The following PGAM5 variants were observed in gnomAD, a reference collection of about 807,000 sequenced individuals.
The protein encoded by PGAM5 is PGAM family member 5, mitochondrial serine/threonine protein phosphatase.
A neutral mutation model predicts 30.6 loss-of-function variants in PGAM5; 25 were observed. That is an observed-to-expected ratio of 0.82 (90% CI 0.60 to 1.14). PGAM5 has a LOEUF of 1.14. PGAM5 is among the 50% of genes most tolerant of loss of function. The pLI is 0.00. For synonymous variants in PGAM5, 201 were observed against 179.1 expected (o/e 1.12, Z -0.98); for missense variants, 384 against 408.5 (o/e 0.94, Z 0.52).
intron 5 of PGAM5, among the ~76,000 whole-genome samples, chr12:132,718,342 CAG>C (rs1379600794): frequency 7.1e-6 from 1 of 141,246 alleles, no homozygotes; most frequent in Non-Finnish European, 1.5e-5. Context: ...GTGGTGCAGA[CAG>C]GGAGGGACCC....
At chr12:132,719,836 C>G (rs954827833) in intron 5 of PGAM5, among the ~76,000 whole-genome samples, 2 of 152,220 alleles carry the variant, frequency 1.3e-5, no homozygotes, top group Non-Finnish European at 2.9e-5. Flanking sequence ...GAAGGCAACT[C>G]CGAGCTTTTC....
intron 1 of PGAM5, 103 bp from the exon 2 acceptor site, chr12:132,714,755 T>G: frequency 7.4e-7 from 1 of 1,359,706 alleles, no homozygotes; most frequent in Non-Finnish European, 1.0e-6. Flanking sequence ...CTTCTCTCCA[T>G]GCTCTTCCCA....
Position 132,719,602 on chromosome 12 carries a change from G to A in PGAM5, c.720-1076G>A, listed in dbSNP as rs544863833. 5.3e-5 allele frequency among the ~76,000 whole-genome samples: 8 copies of A among 152,200 alleles called. No individual in the cohort carries two copies. The South Asian group carries it at 6.2e-4, about 12-fold the overall frequency. ...TGTGTGTCCATGACACAGTCACCCC[G>A]AGGTGACACAAATGCTAAAAATGCA... is the stretch of plus-strand genomic sequence containing the variant. On this transcript the variant is annotated intron_variant, in intron 5 of 5. Transcript: ENST00000498926.
At position 132,718,040 on chromosome 12, in the gene PGAM5, C is replaced by A; in HGVS notation, c.639C>A (p.His213Gln). Residue 213 changes from histidine (H) to glutamine (Q), a missense_variant, in exon 5 of 6, where the codon CAC (histidine) becomes CAA (glutamine). Coordinates refer to ENST00000498926, the MANE Select transcript of PGAM5 (RefSeq NM_001170543.2). ...AGGCCGCCTTCCGGAACTACATCCA[C>A]CGCGCAGATGCCAGGCAGGAGGAGG... ...RIEAAFRNYI[H>Q]RADARQEEDS... 1.9e-6 allele frequency: 3 copies of A among 1,612,888 alleles called. No individual in the cohort carries two copies. The highest frequency in any genetic ancestry group is 2.5e-6 in the Non-Finnish European group (3 of 1,179,992).
chr12:132,720,098 T>TGTAGATCCCAGTCATCGATTCAC (rs2043627608), intron 5 of PGAM5, among the ~76,000 whole-genome samples: 2 of 148,804 alleles, frequency 1.3e-5, no homozygotes, highest in Non-Finnish European at 3.0e-5. Context: ...GCTCCATTCA[T>TGTAGATCCCAGTCATCGATTCAC]GTCGATCCCA....
rs766423957 is a variant in PGAM5 at position 132,717,977 on chromosome 12, C to G, written c.586-10C>G. 3.1e-6 allele frequency: 5 copies of G among 1,612,642 alleles called. No homozygotes were observed. Among genetic ancestry groups the G allele is most frequent in the Non-Finnish European group, 4.2e-6 (5 of 1,179,912 alleles). ...ACTTCCGCACTGACGGCTCCTCACT[C>G]TGCCCCCAGCAGTATTACGAAGACG... On this transcript the variant is annotated splice_polypyrimidine_tract_variant and intron_variant, in intron 4 of 5. Coordinates refer to ENST00000498926, the MANE Select transcript of PGAM5 (RefSeq NM_001170543.2).
At chr12:132,715,882 A>G (rs986553939) in intron 2 of PGAM5, among the ~76,000 whole-genome samples, 1 of 152,206 alleles carries the variant, frequency 6.6e-6, no homozygotes, top group African/African-American at 2.4e-5. Flanking sequence ...CCGTCTCAAA[A>G]AAAAAAAGCC....
At chr12:132,713,038 T>C (rs2136079444) in intron 1 of PGAM5, among the ~76,000 whole-genome samples, 1 of 152,200 alleles carries the variant, frequency 6.6e-6, no homozygotes, top group South Asian at 2.1e-4. Flanking sequence ...CATGCACCTG[T>C]AGTCCTAGCT....
At chr12:132,716,705 G>A (rs1444151987) in intron 2 of PGAM5, among the ~76,000 whole-genome samples, 1 of 152,216 alleles carries the variant, frequency 6.6e-6, no homozygotes, top group Non-Finnish European at 1.5e-5. Context: ...GAAATGCAGG[G>A]TGGGCTAAGG....
At position 132,714,774 on chromosome 12, in the gene PGAM5, G is replaced by C. The variant is rs1005090213; in HGVS notation, c.192-84G>C. ...TCTCCATGCTCTTCCCAAATAGTCT[G>C]ACAATTTGGAAATAACATCTTGTCA... is the stretch of plus-strand genomic sequence containing the variant. On this transcript the variant is annotated intron_variant, in intron 1 of 5. Transcript: ENST00000498926. 3.3e-5 allele frequency: 50 copies of C among 1,496,158 alleles called. 1 individual carries two copies. In the Admixed American group the frequency reaches 8.8e-4, roughly 26 times the overall value. The allele number at this position is 1,496,158 out of a possible 1,614,324, so 92.7% of individuals were successfully genotyped here.
At chr12:132,719,167 AT>A in intron 5 of PGAM5, 2 of 1,229,902 alleles carry the variant, frequency 1.6e-6, no homozygotes, top group African/African-American at 1.5e-5. Flanking sequence ...TTTGAAACAA[AT>A]TTGCCTCTTC....
rs1204339482 is a variant in PGAM5 at position 132,722,243 on chromosome 12, GTTTTTTTTTTGT to G, written c.*1426_*1437del. 3.0e-5 allele frequency: 2 copies of G among 67,146 alleles called. No individual in the cohort carries two copies. The highest frequency in any genetic ancestry group is 1.4e-4 in the Admixed American group (1 of 7,396). The allele number at this position is 67,146 out of a possible 1,614,324, so 4.2% of individuals were successfully genotyped here. A position where few individuals can be genotyped will look rare whatever the true frequency, so the allele number is the denominator to read the frequency against. On this transcript the variant is annotated 3_prime_UTR_variant, in exon 6 of 6. Coordinates refer to ENST00000498926, the MANE Select transcript of PGAM5 (RefSeq NM_001170543.2). Reference sequence around the variant, plus strand: ...TTTATGCTTAGGGATTAAATGTGTGGTTTTTTTTTTGTTTTTTTTTTTTTGGAGACGGAGTCT... The same window carrying G: ...TTTATGCTTAGGGATTAAATGTGTGGTTTTTTTTTTTTGGAGACGGAGTCT...
chr12:132,717,766 C>T lies in PGAM5; in HGVS notation c.553C>T (p.Pro185Ser). 1.9e-6 allele frequency: 3 copies of T among 1,587,688 alleles called. No homozygotes were observed. The highest frequency in any genetic ancestry group is 2.3e-5 in the South Asian group (2 of 88,142). Reference protein sequence around the residue: ...LREGAPIEPDPPVSHWKPEAV... With the variant: ...LREGAPIEPDSPVSHWKPEAV... ...GGAAGGCGCCCCCATCGAGCCAGAC[C>T]CGCCCGTGTCTCATTGGAAGCCGGA... The change falls in exon 4 of 6, where the codon CCG becomes TCG. Residue 185 changes from proline to serine, a missense_variant. Transcript: ENST00000498926.
At chr12:132,719,638 C>G (rs1275405428) in intron 5 of PGAM5, among the ~76,000 whole-genome samples, 1 of 152,180 alleles carries the variant, frequency 6.6e-6, no homozygotes, top group African/African-American at 2.4e-5. Flanking sequence ...CAGAAATAAC[C>G]GGGGCGGGAG....
chr12:132,715,413 G>A (rs918747299), intron 2 of PGAM5, among the ~76,000 whole-genome samples: 1 of 151,174 alleles, frequency 6.6e-6, no homozygotes, highest in Non-Finnish European at 1.5e-5. Flanking sequence ...TCTACTAAAA[G>A]TACAAAAATT....
chr12:132,717,299 C>T (rs113792943), intron 2 of PGAM5, 140 bp from the exon 3 acceptor site: 23 of 870,734 alleles, frequency 2.6e-5, no homozygotes, highest in Admixed American at 3.9e-5. Context: ...GTCGTGTTTG[C>T]GGGCGGAGGA....
intron 2 of PGAM5, among the ~76,000 whole-genome samples, chr12:132,715,860 C>T (rs1030838847): frequency 2.6e-5 from 4 of 151,706 alleles, no homozygotes; most frequent in Admixed American, 2.0e-4. Context: ...GCCTAGGTAA[C>T]AGAGTGAGAC....
At chr12:132,718,850 T>C (rs1310940617) in intron 5 of PGAM5, 1 of 1,613,148 alleles carries the variant, frequency 6.2e-7, no homozygotes, top group Non-Finnish European at 8.5e-7. Flanking sequence ...CCCACCCGTG[T>C]GCCAGCGTGA....
At position 132,719,127 on chromosome 12, in the gene PGAM5, A is replaced by G; in HGVS notation, c.719+1007A>G. ...ACGGTTACATGCCTGAAACAGTCAG[A>G]AGGGTTGGCCAAATCTCACTAAATG... On this transcript the variant is annotated intron_variant, in intron 5 of 5. Coordinates refer to ENST00000498926, the MANE Select transcript of PGAM5 (RefSeq NM_001170543.2). 6 of 1,340,212 alleles carry G rather than the reference A, an allele frequency of 4.5e-6. No homozygotes were observed. In the South Asian group the frequency reaches 8.2e-5, roughly 18 times the overall value. 83.0% of individuals were successfully genotyped at this position (1,340,212 alleles called of 1,614,324 possible).
Sources: gnomAD v4.1 joint callset for allele counts (sites outside exome capture counted in the v4.1 genomes callset) on GRCh38, gnomAD v4.1.1 for gene constraint, MANE v1.5 for transcripts, NCBI Gene and HGNC (gene_info 2026-07-23, HGNC 2026-07-21) for gene names.